The following RORA variants were observed in gnomAD, a reference collection of about 807,000 sequenced individuals.
The protein encoded by RORA is nuclear receptor ROR-alpha.
RORA carries 7 observed loss-of-function variants against 69.5 expected under a neutral mutation model. The observed-to-expected ratio is 0.10, with a 90% CI of 0.06 to 0.19. The LOEUF (loss-of-function observed/expected upper bound fraction) is 0.19, where lower values mean the gene tolerates loss of function less well. Ranked by LOEUF, RORA falls within the 10% of genes least tolerant of loss-of-function variation. The pLI, the probability that RORA is intolerant of heterozygous loss-of-function variation, is 1.00. For missense variants in RORA, 457 were observed against 663.0 expected, an observed-to-expected ratio of 0.69 and a Z score of 3.41; for synonymous variants, 261 against 240.8, an observed-to-expected ratio of 1.08 and a Z score of -0.78.
At chr15:60,919,730 G>A (rs1891986512) in intron 1 of RORA, among the ~76,000 whole-genome samples, 2 of 152,152 alleles carry the variant, frequency 1.3e-5, no homozygotes, top group Non-Finnish European at 2.9e-5. Flanking sequence ...TAGCTGCTAG[G>A]AAGCTGAAAA....
Position 60,497,382 on chromosome 15 carries a change from G to A in RORA, c.*73C>T, listed in dbSNP as rs566580561. ...AGGTCTGTGCAGGGCCATATAAAGTGTCTCGGTTAATTTTTTTGTTTGTTT... is the reference window on the plus strand; with the variant it reads ...AGGTCTGTGCAGGGCCATATAAAGTATCTCGGTTAATTTTTTTGTTTGTTT... On this transcript the variant is annotated 3_prime_UTR_variant, in exon 11 of 11. Coordinates refer to ENST00000335670, the MANE Select transcript of RORA (RefSeq NM_134261.3). 15 of 1,385,632 alleles carry A rather than the reference G, an allele frequency of 1.1e-5. No homozygotes were observed. The African/African-American group carries it at 1.1e-4, about 11-fold the overall frequency. 85.8% of individuals were successfully genotyped at this position (1,385,632 alleles called of 1,614,324 possible). A position where few individuals can be genotyped will look rare whatever the true frequency, so the allele number is the denominator to read the frequency against.
At chr15:60,748,027 T>G (rs2071672565) in intron 1 of RORA, among the ~76,000 whole-genome samples, 1 of 152,196 alleles carries the variant, frequency 6.6e-6, no homozygotes. Flanking sequence ...TGTGCTTCAG[T>G]TACAAGCAAA....
intron 1 of RORA, among the ~76,000 whole-genome samples, chr15:61,130,650 A>G (rs188801372): frequency 6.6e-6 from 1 of 152,344 alleles, no homozygotes; most frequent in East Asian, 1.9e-4. Flanking sequence ...ATCTAGATAT[A>G]AGGTCACTTA....
rs147887589 is a variant in RORA at position 60,944,246 on chromosome 15, C to T, written c.167-265560G>A. 9.6e-4 allele frequency among the ~76,000 whole-genome samples: 146 copies of T among 152,236 alleles called. 2 individuals carry two copies. Among genetic ancestry groups the T allele is most frequent in the East Asian group, 6.6e-3 (34 of 5,178 alleles). On this transcript the variant is annotated intron_variant, in intron 1 of 10. Coordinates refer to ENST00000335670, the MANE Select transcript of RORA (RefSeq NM_134261.3). Reference sequence around the variant, plus strand: ...CTGATGTAACTGGTCTGAGATGGAGCATGGGCATCAGTATAATTTAAAAGC... The same window carrying T: ...CTGATGTAACTGGTCTGAGATGGAGTATGGGCATCAGTATAATTTAAAAGC...
In RORA at chr15:60,541,094, A is replaced by C. The variant is rs144595615; in HGVS notation, c.197-9243T>G. ...GGGAAGGATCCGGTTTTTATTAAAA[A>C]TCACAGGCAAATTATTTAGGCTTGC... On this transcript the variant is annotated intron_variant, in intron 2 of 10. Transcript: ENST00000335670. Among the ~76,000 whole-genome samples, 6 of 152,332 alleles carry C rather than the reference A, an allele frequency of 3.9e-5. No homozygotes were observed. In the East Asian group the frequency reaches 1.2e-3, roughly 29 times the overall value.
intron 1 of RORA, among the ~76,000 whole-genome samples, chr15:61,217,777 A>C (rs373684209): frequency 3.9e-5 from 6 of 152,162 alleles, no homozygotes; most frequent in African/African-American, 1.4e-4. Flanking sequence ...GGGATCCCAG[A>C]ATTTATATTC....
chr15:60,948,552 T>G (rs1464006070), intron 1 of RORA, among the ~76,000 whole-genome samples: 3 of 152,240 alleles, frequency 2.0e-5, no homozygotes, highest in South Asian at 2.1e-4. Context: ...ATATAATTTA[T>G]GCCAGACTTT....
intron 1 of RORA, among the ~76,000 whole-genome samples, chr15:61,112,483 GGGACGGTTTGGAGGCAAAGACAGGAGAAA>G (rs1352310388): frequency 1.3e-5 from 2 of 152,076 alleles, no homozygotes; most frequent in African/African-American, 4.8e-5. Context: ...TAACAGGATG[GGGACGGTTTGGAGGCAAAGACAGGAGAAA>G]GGACGTTTTG....
intron 1 of RORA, among the ~76,000 whole-genome samples, chr15:60,926,785 A>G (rs986497000): frequency 6.6e-6 from 1 of 152,248 alleles, no homozygotes; most frequent in Non-Finnish European, 1.5e-5. Context: ...GCATAAAAAT[A>G]TCACAAAAGA....
intron 1 of RORA, among the ~76,000 whole-genome samples, chr15:60,840,453 A>G (rs1224251): frequency 0.21 from 32,637 of 152,222 alleles, 3,973 homozygotes; most frequent in Non-Finnish European, 0.27. Flanking sequence ...GCCCTTAACC[A>G]GAAGTCTCCA....
At chr15:60,585,566 T>A (rs553755075) in intron 2 of RORA, among the ~76,000 whole-genome samples, 1 of 152,286 alleles carries the variant, frequency 6.6e-6, no homozygotes, top group East Asian at 1.9e-4. Flanking sequence ...AACGCTGAAT[T>A]TAGCTCATCA....
chr15:60,985,795 G>A (rs147698696), intron 1 of RORA, among the ~76,000 whole-genome samples: 11 of 152,042 alleles, frequency 7.2e-5, no homozygotes, highest in Non-Finnish European at 1.3e-4. Context: ...ATGTTGGCCA[G>A]GCTGATCTCA....
chr15:60,711,074 C>T (rs1479108242), intron 1 of RORA, among the ~76,000 whole-genome samples: 1 of 152,208 alleles, frequency 6.6e-6, no homozygotes, highest in Non-Finnish European at 1.5e-5. Context: ...CTTCTCCAGC[C>T]TTGCTCTGCC....
At chr15:60,747,920 A>G (rs989766659) in intron 1 of RORA, among the ~76,000 whole-genome samples, 1 of 152,204 alleles carries the variant, frequency 6.6e-6, no homozygotes, top group African/African-American at 2.4e-5. Flanking sequence ...TTTTATAATT[A>G]ATATAGATTC....
intron 1 of RORA, among the ~76,000 whole-genome samples, chr15:61,096,970 T>C (rs1346964771): frequency 6.6e-6 from 1 of 152,226 alleles, no homozygotes; most frequent in Non-Finnish European, 1.5e-5. Flanking sequence ...CACATGTGCA[T>C]GGCAATGGAT....
chr15:61,060,449 G>T (rs1020889707), intron 1 of RORA, among the ~76,000 whole-genome samples: 2 of 152,166 alleles, frequency 1.3e-5, no homozygotes, highest in African/African-American at 4.8e-5. Context: ...CACTTGCCAT[G>T]GGTGCCTTTC....
intron 1 of RORA, among the ~76,000 whole-genome samples, chr15:61,210,072 C>G (rs1390229449): frequency 6.6e-6 from 1 of 152,314 alleles, no homozygotes; most frequent in Admixed American, 6.5e-5. Context: ...GTACAGGGGC[C>G]AGTTGGACAG....
chr15:60,855,305 T>C (rs11632098), intron 1 of RORA, among the ~76,000 whole-genome samples: 132,847 of 152,134 alleles, frequency 0.87, 58,702 homozygotes, highest in East Asian at 0.99. Context: ...GATCAACTTT[T>C]ACAGTAACAT....
At chr15:60,724,705 T>G (rs2071335598) in intron 1 of RORA, among the ~76,000 whole-genome samples, 1 of 152,186 alleles carries the variant, frequency 6.6e-6, no homozygotes, top group South Asian at 2.1e-4. Context: ...GCGAGCTCCT[T>G]AAGAAAAGAG....
Sources: allele counts gnomAD v4.1 joint callset (sites outside exome capture counted in the v4.1 genomes callset), GRCh38; gene constraint gnomAD v4.1.1; transcripts MANE v1.5; gene names NCBI Gene and HGNC (gene_info 2026-07-23, HGNC 2026-07-21).